RSBN1L: variants seen among roughly 807,000 people sequenced by gnomAD.
The protein encoded by RSBN1L is round spermatid basic protein 1 like.
In RSBN1L, 30 loss-of-function variants were observed where a neutral mutation model predicts 67.7. That is an observed-to-expected ratio of 0.44 (90% CI 0.33 to 0.60). RSBN1L has a LOEUF of 0.60. Among genes scored for constraint, RSBN1L ranks in the 20% least tolerant of loss-of-function variants. The pLI is 0.02. For synonymous variants in RSBN1L, 433 were observed against 387.0 expected, an observed-to-expected ratio of 1.12 and a Z score of -1.39; for missense variants, 992 against 1,031.7, an observed-to-expected ratio of 0.96 and a Z score of 0.53.
At chr7:77,726,514 C>T (rs778209043) in intron 1 of RSBN1L, among the ~76,000 whole-genome samples, 2 of 152,160 alleles carry the variant, frequency 1.3e-5, no homozygotes, top group Non-Finnish European at 2.9e-5. Context: ...ATTTTAAAAA[C>T]AAAATTTAAT....
Position 77,736,455 on chromosome 7 carries a change from G to T in RSBN1L, c.632G>T (p.Arg211Ile). The change falls in exon 2 of 8, where the codon AGA becomes ATA. Residue 211 changes from arginine to isoleucine, a missense_variant. Transcript: ENST00000334955. ...AAAGAGAGAGACAAAGAAAAAGAAA[G>T]AGAAAAAAAGAAACATAAAGTAATG... is the stretch of plus-strand genomic sequence containing the variant. The part of the protein sequence containing the change: ...KIKERDKEKE[R>I]EKKKHKVMNE... 8.7e-7 allele frequency: 1 copy of T among 1,150,414 alleles called. No homozygotes were observed. Among genetic ancestry groups the T allele is most frequent in the South Asian group, 1.5e-5 (1 of 68,704 alleles). The allele number at this position is 1,150,414 out of a possible 1,614,324, so 71.3% of individuals were successfully genotyped here.
intron 3 of RSBN1L, among the ~76,000 whole-genome samples, chr7:77,758,638 G>T (rs148054228): frequency 4.6e-4 from 70 of 152,304 alleles, no homozygotes; most frequent in African/African-American, 1.6e-3. Flanking sequence ...GATGACAGGA[G>T]TGGCAAAATC....
At chr7:77,769,621 A>T (rs554181493) in intron 5 of RSBN1L, among the ~76,000 whole-genome samples, 2 of 152,224 alleles carry the variant, frequency 1.3e-5, no homozygotes, top group African/African-American at 4.8e-5. Flanking sequence ...GACATCAACA[A>T]TGAGGTTCAA....
intron 5 of RSBN1L, among the ~76,000 whole-genome samples, chr7:77,770,682 TAA>T (rs886761018): frequency 1.3e-5 from 2 of 149,092 alleles, no homozygotes; most frequent in Non-Finnish European, 3.0e-5. Flanking sequence ...ACCTATCTCT[TAA>T]AAAAAAAATG....
chr7:77,749,315 T>C (rs527919523), intron 2 of RSBN1L, 109 bp from the exon 3 acceptor site: 2 of 815,904 alleles, frequency 2.5e-6, no homozygotes, highest in Non-Finnish European at 3.7e-6. Flanking sequence ...AATATATAAT[T>C]CTGAGTAAAT....
rs199556120 is a variant in RSBN1L at position 77,768,707 on chromosome 7, G to A, written c.1529G>A (p.Arg510Gln). The change falls in exon 5 of 8, where the codon CGA (arginine) becomes CAA (glutamine). Residue 510 changes from arginine to glutamine, a missense_variant. By Grantham distance (43) the Arg-to-Gln change is conservative (BLOSUM62 1). Coordinates refer to ENST00000334955, the MANE Select transcript of RSBN1L (RefSeq NM_198467.3). Reference protein sequence around the residue: ...GTLSSLKLQSRKDSDDGPIMW... With the variant: ...GTLSSLKLQSQKDSDDGPIMW... Reference sequence around the variant, plus strand: ...CTATCTAGTCTAAAATTACAGAGTCGAAAAGATAGTGATGATGGTCCCATC... The same window carrying A: ...CTATCTAGTCTAAAATTACAGAGTCAAAAAGATAGTGATGATGGTCCCATC... 8.7e-6 allele frequency: 14 copies of A among 1,613,858 alleles called. No homozygotes were observed. Among genetic ancestry groups the A allele is most frequent in the African/African-American group, 1.3e-5 (1 of 75,012 alleles).
Position 77,777,393 on chromosome 7 carries a change from G to A in RSBN1L, c.1794-945G>A, listed in dbSNP as rs537812358. On this transcript the variant is annotated intron_variant, in intron 6 of 7. Coordinates refer to ENST00000334955, the MANE Select transcript of RSBN1L (RefSeq NM_198467.3). ...AAGTATCATTTTCCTTCAGCCTGAA[G>A]AAATTCCTTTAGCAGTCTTTGTTAT... Among the ~76,000 whole-genome samples the A allele has an allele frequency of 1.3e-5, 2 of 151,768 alleles. 1 individual carries two copies. Among genetic ancestry groups the A allele is most frequent in the South Asian group, 4.2e-4 (2 of 4,798 alleles).
intron 1 of RSBN1L, among the ~76,000 whole-genome samples, chr7:77,731,213 T>C (rs1191221051): frequency 2.0e-5 from 3 of 152,168 alleles, no homozygotes; most frequent in Non-Finnish European, 4.4e-5. Flanking sequence ...GTGTTTTTTT[T>C]GGTTTGTTTG....
At chr7:77,763,342 G>C (rs1282058304) in intron 3 of RSBN1L, among the ~76,000 whole-genome samples, 1 of 152,012 alleles carries the variant, frequency 6.6e-6, no homozygotes, top group African/African-American at 2.4e-5. Flanking sequence ...AATATCAGTT[G>C]TTTGATTTCA....
chr7:77,735,954 A>G (rs1031167161), intron 1 of RSBN1L, among the ~76,000 whole-genome samples: 1 of 151,984 alleles, frequency 6.6e-6, no homozygotes, highest in Non-Finnish European at 1.5e-5. Context: ...CATTTTATAT[A>G]TTTTTTCATT....
chr7:77,715,526 CT>C (rs1469597919), intron 1 of RSBN1L, among the ~76,000 whole-genome samples: 16 of 152,128 alleles, frequency 1.1e-4, no homozygotes, highest in African/African-American at 3.6e-4. Flanking sequence ...CCAGGAAGGT[CT>C]CGAACTCCTG....
intron 3 of RSBN1L, among the ~76,000 whole-genome samples, chr7:77,765,258 T>C (rs1791746136): frequency 6.6e-6 from 1 of 152,170 alleles, no homozygotes. Context: ...TGTGTAGGAA[T>C]AGTTAGAGAA....
intron 1 of RSBN1L, 28 bp from the exon 2 acceptor site, chr7:77,736,382 T>G: frequency 1.0e-6 from 1 of 955,828 alleles, no homozygotes; most frequent in Non-Finnish European, 1.4e-6. Flanking sequence ...TTTTTCATTT[T>G]AAATATTTCC....
chr7:77,699,722 G>T (rs1426668433), intron 1 of RSBN1L, among the ~76,000 whole-genome samples: 1 of 151,974 alleles, frequency 6.6e-6, no homozygotes, highest in Admixed American at 6.6e-5. Flanking sequence ...TACTGTAGCT[G>T]ACTTGCGTGA....
chr7:77,700,431 C>T (rs887128901), intron 1 of RSBN1L, among the ~76,000 whole-genome samples: 1 of 152,154 alleles, frequency 6.6e-6, no homozygotes, highest in East Asian at 1.9e-4. Flanking sequence ...CAAGACAAAA[C>T]CAGAGCATTT....
intron 1 of RSBN1L, among the ~76,000 whole-genome samples, chr7:77,712,106 A>C (rs1397558370): frequency 6.6e-6 from 1 of 150,914 alleles, no homozygotes; most frequent in Non-Finnish European, 1.5e-5. Flanking sequence ...TTTTCTAATT[A>C]TAATAATATA....
In RSBN1L at chr7:77,778,802, C is replaced by T; in HGVS notation, c.2175C>T (p.Asn725=). The change falls in exon 8 of 8, where the codon AAC becomes AAT. Residue 725 remains asparagine (N), a synonymous_variant. Transcript: ENST00000334955. ...CTGTTCTTGGACCTCACACTGACAA[C>T]ATGATTTGTGCTGTAAGCAAAGCCT... ...TSSVLGPHTD[N]MICAVSKASL... is the part of the protein sequence containing the mutation. 1 of 1,614,156 alleles carries T rather than the reference C, an allele frequency of 6.2e-7. No homozygotes were observed.
intron 2 of RSBN1L, among the ~76,000 whole-genome samples, chr7:77,742,217 A>ACACACACACG (rs1791423030): frequency 1.3e-5 from 2 of 149,576 alleles, no homozygotes; most frequent in African/African-American, 5.0e-5. Context: ...ACACACACAC[A>ACACACACACG]CGGCAAGAAT....
At position 77,732,728 on chromosome 7, in the gene RSBN1L, C is replaced by T. The variant is rs573001122; in HGVS notation, c.587-3682C>T. On this transcript the variant is annotated intron_variant, in intron 1 of 7. Transcript: ENST00000334955. ...TCTGAATTATGGCCAAAATTTCTTT[C>T]TTTGGGATTATGGATACCAATATTA... Among the ~76,000 whole-genome samples, 3 of 152,256 alleles carry T rather than the reference C, an allele frequency of 2.0e-5. No individual in the cohort carries two copies. The South Asian group carries it at 6.2e-4, about 32-fold the overall frequency.
Sources: allele counts gnomAD v4.1 joint callset (sites outside exome capture counted in the v4.1 genomes callset), GRCh38; gene constraint gnomAD v4.1.1; transcripts MANE v1.5; gene names NCBI Gene and HGNC (gene_info 2026-07-23, HGNC 2026-07-21).